Variants in GPC6 observed in about 807,000 individuals in gnomAD.
GPC6 encodes glypican 6.
GPC6 carries 14 observed loss-of-function variants against 55.2 expected under a neutral mutation model. That is an observed-to-expected ratio of 0.25 (90% CI 0.17 to 0.40). The LOEUF is 0.40. GPC6 is among the 10% of genes least tolerant of loss of function. The pLI, the probability that GPC6 is intolerant of heterozygous loss-of-function variation, is 1.00. For missense variants in GPC6, 641 were observed against 708.5 expected, an observed-to-expected ratio of 0.90 and a Z score of 1.08; for synonymous variants, 278 against 259.6, an observed-to-expected ratio of 1.07 and a Z score of -0.68.
At chr13:93,738,352 A>T (rs1884073343) in intron 2 of GPC6, among the ~76,000 whole-genome samples, 2 of 152,168 alleles carry the variant, frequency 1.3e-5, no homozygotes. Flanking sequence ...GGGCTTGGTA[A>T]AATGATCACC....
intron 1 of GPC6, among the ~76,000 whole-genome samples, chr13:93,315,763 T>C (rs2139115469): frequency 6.6e-6 from 1 of 151,738 alleles, no homozygotes; most frequent in African/African-American, 2.4e-5. Context: ...TCTTCAATTT[T>C]TTTTTAACCA....
intron 2 of GPC6, among the ~76,000 whole-genome samples, chr13:93,758,624 C>T (rs1181676505): frequency 6.6e-6 from 1 of 151,636 alleles, no homozygotes; most frequent in East Asian, 1.9e-4. Context: ...GTATATTTAT[C>T]TACACATATA....
intron 1 of GPC6, among the ~76,000 whole-genome samples, chr13:93,405,796 G>A (rs1009572540): frequency 1.3e-5 from 2 of 152,154 alleles, no homozygotes; most frequent in Admixed American, 6.6e-5. Flanking sequence ...TCCACATGTG[G>A]TGCCTTTTGA....
intron 4 of GPC6, among the ~76,000 whole-genome samples, chr13:94,275,546 A>G (rs1892176018): frequency 6.6e-6 from 1 of 152,190 alleles, no homozygotes; most frequent in African/African-American, 2.4e-5. Context: ...TTAAGTATGC[A>G]CAAGACTGAG....
At chr13:93,742,843 A>G (rs1266865460) in intron 2 of GPC6, among the ~76,000 whole-genome samples, 1 of 152,160 alleles carries the variant, frequency 6.6e-6, no homozygotes, top group African/African-American at 2.4e-5. Context: ...GAATATTACC[A>G]GTAAAATATG....
intron 2 of GPC6, among the ~76,000 whole-genome samples, chr13:93,786,735 G>T (rs762267392): frequency 6.6e-6 from 1 of 150,430 alleles, no homozygotes; most frequent in Non-Finnish European, 1.5e-5. Context: ...CTGTGACTAA[G>T]CACCTAGAGT....
intron 2 of GPC6, among the ~76,000 whole-genome samples, chr13:93,695,298 T>C (rs531424519): frequency 6.6e-6 from 1 of 152,254 alleles, no homozygotes; most frequent in East Asian, 1.9e-4. Flanking sequence ...GTTTCTCAGA[T>C]TGACAGCAGT....
chr13:93,691,158 C>G (rs1882242387), intron 2 of GPC6, among the ~76,000 whole-genome samples: 1 of 152,204 alleles, frequency 6.6e-6, no homozygotes. Flanking sequence ...AATAAGAACA[C>G]AAGTAATTTA....
chr13:93,298,005 T>C (rs1878552040), intron 1 of GPC6, among the ~76,000 whole-genome samples: 1 of 152,224 alleles, frequency 6.6e-6, no homozygotes, highest in Non-Finnish European at 1.5e-5. Flanking sequence ...TCACCTAGAC[T>C]AATCTTCCCT....
At chr13:94,126,448 A>T (rs1039921592) in intron 4 of GPC6, among the ~76,000 whole-genome samples, 1 of 152,152 alleles carries the variant, frequency 6.6e-6, no homozygotes, top group Non-Finnish European at 1.5e-5. Context: ...TCAAATTTAT[A>T]CTTAACAGTA....
At chr13:93,985,952 C>A (rs1391093591) in intron 3 of GPC6, among the ~76,000 whole-genome samples, 1 of 151,884 alleles carries the variant, frequency 6.6e-6, no homozygotes, top group African/African-American at 2.4e-5. Flanking sequence ...TTCTTTTTCA[C>A]CAGTTGTGAC....
At chr13:94,155,760 C>T (rs1387177642) in intron 4 of GPC6, among the ~76,000 whole-genome samples, 4 of 152,136 alleles carry the variant, frequency 2.6e-5, no homozygotes, top group African/African-American at 9.7e-5. Context: ...GGATAAAGTC[C>T]AAAGTCCTTG....
chr13:93,871,987 T>G (rs1594542845), intron 3 of GPC6, among the ~76,000 whole-genome samples: 1 of 143,330 alleles, frequency 7.0e-6, no homozygotes, highest in Non-Finnish European at 1.6e-5. Context: ...ACAAAAGAAA[T>G]AAATAAAACA....
chr13:94,158,481 A>C (rs1888036372), intron 4 of GPC6, among the ~76,000 whole-genome samples: 1 of 152,182 alleles, frequency 6.6e-6, no homozygotes, highest in African/African-American at 2.4e-5. Flanking sequence ...GCCTAATTTA[A>C]ATGCAATTTA....
In GPC6 at chr13:94,028,509, T is replaced by TAAA. The variant is rs35971946; in HGVS notation, c.877+625_877+627dup. On this transcript the variant is annotated intron_variant, in intron 4 of 8. Transcript: ENST00000377047. Reference sequence around the variant, plus strand: ...AAGGACGCTTTAGAAAAGAATCTTGTAAAAAAAAAAAAGTCCACTGTACTA... The same window carrying TAAA: ...AAGGACGCTTTAGAAAAGAATCTTGTAAAAAAAAAAAAAAAGTCCACTGTACTA... Among the ~76,000 whole-genome samples the TAAA allele has an allele frequency of 2.2e-4, 32 of 147,972 alleles. No individual in the cohort carries two copies. In the South Asian group the frequency reaches 5.8e-3, roughly 27 times the overall value.
intron 3 of GPC6, among the ~76,000 whole-genome samples, chr13:94,021,657 C>T (rs1156756157): frequency 4.0e-5 from 6 of 151,860 alleles, no homozygotes; most frequent in Admixed American, 1.3e-4. Flanking sequence ...CAAATGAACT[C>T]AATGATTTTT....
At chr13:93,481,740 C>T (rs1253314325) in intron 1 of GPC6, among the ~76,000 whole-genome samples, 3 of 152,002 alleles carry the variant, frequency 2.0e-5, no homozygotes, top group Non-Finnish European at 4.4e-5. Flanking sequence ...GCCATACGGA[C>T]AAGGATTTAT....
intron 4 of GPC6, among the ~76,000 whole-genome samples, chr13:94,202,684 T>G (rs1889790991): frequency 6.6e-6 from 1 of 152,176 alleles, no homozygotes; most frequent in Admixed American, 6.5e-5. Flanking sequence ...GTTGTTTAGA[T>G]AAGGTAATGC....
chr13:94,032,911 T>G (rs1298087723), intron 4 of GPC6, among the ~76,000 whole-genome samples: 1 of 152,180 alleles, frequency 6.6e-6, no homozygotes, highest in East Asian at 1.9e-4. Flanking sequence ...GACCCTGAAG[T>G]GGGCACTATT....
Sources: gnomAD v4.1 joint callset for allele counts (sites outside exome capture counted in the v4.1 genomes callset) on GRCh38, gnomAD v4.1.1 for gene constraint, MANE v1.5 for transcripts, NCBI Gene and HGNC (gene_info 2026-07-23, HGNC 2026-07-21) for gene names.